AKAP9: variants seen among roughly 807,000 people sequenced by gnomAD.
AKAP9 encodes the protein A-kinase anchor protein 9.
A neutral mutation model predicts 488.5 loss-of-function variants in AKAP9; 311 were observed. That is an observed-to-expected ratio of 0.64 (90% CI 0.58 to 0.70). The LOEUF is 0.70. Among genes scored for constraint, AKAP9 ranks in the 30% least tolerant of loss-of-function variants. AKAP9 has a pLI of 0.00. For missense variants in AKAP9, 4,215 were observed against 4,374.5 expected (o/e 0.96, Z 1.03); for synonymous variants, 1,462 against 1,483.5 (o/e 0.99, Z 0.33).
chr7:92,099,572 C>G, intron 43 of AKAP9, 115 bp from the exon 44 acceptor site: 1 of 1,030,434 alleles, frequency 9.7e-7, no homozygotes, highest in Non-Finnish European at 1.5e-6. Flanking sequence ...TTACTGAATA[C>G]TCAACTCAAG....
chr7:92,052,643 A>G, intron 21 of AKAP9, 83 bp from the exon 22 acceptor site: 1 of 936,024 alleles, frequency 1.1e-6, no homozygotes, highest in Non-Finnish European at 1.6e-6. Context: ...CATGATTTCC[A>G]GTTTAGTTTG....
At position 91,959,391 on chromosome 7, in the gene AKAP9, C is replaced by G. The variant is rs562376805; in HGVS notation, c.49-14320C>G. On this transcript the variant is annotated intron_variant, in intron 1 of 49. Transcript: ENST00000356239. ...CTCACTGCAGCCTCGCTCCTGGGCT[C>G]AAGCAGTCCTTCCACCTCAGCCTTT... 1.5e-4 allele frequency among the ~76,000 whole-genome samples: 23 copies of G among 151,910 alleles called. 1 individual carries two copies. The South Asian group carries it at 1.7e-3, about 11-fold the overall frequency.
At chr7:92,032,855 T>G (rs1323660585) in intron 16 of AKAP9, among the ~76,000 whole-genome samples, 1 of 152,178 alleles carries the variant, frequency 6.6e-6, no homozygotes, top group Non-Finnish European at 1.5e-5. Context: ...AATGGAATGG[T>G]GTATCAGGGT....
intron 24 of AKAP9, 77 bp downstream of exon 24, chr7:92,062,563 T>G (rs913791552): frequency 8.0e-7 from 1 of 1,250,952 alleles, no homozygotes; most frequent in East Asian, 2.4e-5. Context: ...GTGGCTTTTT[T>G]CCTCTTTCAG....
chr7:91,947,685 G>T (rs1584522625), intron 1 of AKAP9, among the ~76,000 whole-genome samples: 1 of 152,190 alleles, frequency 6.6e-6, no homozygotes, highest in African/African-American at 2.4e-5. Context: ...CTTATTGTCT[G>T]TTGGAATAAT....
intron 2 of AKAP9, among the ~76,000 whole-genome samples, chr7:91,975,990 G>A (rs1249409708): frequency 1.3e-5 from 2 of 150,432 alleles, no homozygotes; most frequent in African/African-American, 2.5e-5. Flanking sequence ...GTGCAGTGGG[G>A]TGATCTCAGC....
intron 9 of AKAP9, among the ~76,000 whole-genome samples, chr7:92,013,621 G>GT (rs1801100861): frequency 6.6e-6 from 1 of 152,172 alleles, no homozygotes; most frequent in Admixed American, 6.5e-5. Context: ...TCCATAAACA[G>GT]TAAGTATTAA....
chr7:92,008,299 A>C (rs1800202612), intron 8 of AKAP9, among the ~76,000 whole-genome samples: 1 of 151,974 alleles, frequency 6.6e-6, no homozygotes, highest in African/African-American at 2.4e-5. Flanking sequence ...CCCGGGAGGC[A>C]GAGGTTGCAG....
chr7:92,028,789 G>A (rs527737232), intron 14 of AKAP9, among the ~76,000 whole-genome samples: 1 of 152,248 alleles, frequency 6.6e-6, no homozygotes, highest in South Asian at 2.1e-4. Flanking sequence ...TAAATATTAA[G>A]CTTAACAATT....
rs772589772 is a variant in AKAP9, at chr7:91,941,049, T to C, written c.-51T>C. ...CGTCCAAATCGACCTTTCCTTTCTA[T>C]CCCCAACCACCCCTCAACCCCTGTT... On this transcript the variant is annotated 5_prime_UTR_variant, in exon 1 of 50. Coordinates refer to ENST00000356239, the MANE Select transcript of AKAP9 (RefSeq NM_005751.5). The C allele has an allele frequency of 6.4e-7, 1 of 1,570,420 alleles. No homozygotes were observed. The highest frequency in any genetic ancestry group is 1.1e-5 in the South Asian group (1 of 90,150).
At chr7:92,055,910 G>A (rs1200815841) in intron 22 of AKAP9, among the ~76,000 whole-genome samples, 1 of 151,288 alleles carries the variant, frequency 6.6e-6, no homozygotes, top group African/African-American at 2.4e-5. Context: ...TATTTTCTTT[G>A]TGTAAGCTTC....
chr7:92,050,277 A>G (rs1183451657), intron 21 of AKAP9, among the ~76,000 whole-genome samples: 1 of 150,338 alleles, frequency 6.7e-6, no homozygotes, highest in Non-Finnish European at 1.5e-5. Context: ...TGTATTTTTT[A>G]GTAGAGATGG....
rs757775012 is a variant in AKAP9 at position 92,100,970 on chromosome 7, G to A, written c.11011G>A (p.Ala3671Thr). The change falls in exon 45 of 50, where the codon GCT becomes ACT. Residue 3671 changes from alanine to threonine, a missense_variant. Around this residue, in one of 5 missense-constraint regions of AKAP9, gnomAD observed 74 missense variants for 113.0 expected, o/e 0.65. Coordinates refer to ENST00000356239, the MANE Select transcript of AKAP9 (RefSeq NM_005751.5). ...TLQKSLKRAEAEVYKLKAELR... is the reference protein window; with the variant it reads ...TLQKSLKRAETEVYKLKAELR... ...CCAGAAATCTTTGAAAAGGGCAGAG[G>A]CTGAAGTATACAAACTGAAAGCTGA... The A allele has an allele frequency of 3.1e-6, 5 of 1,614,142 alleles. No individual in the cohort carries two copies. The highest frequency in any genetic ancestry group is 8.5e-7 in the Non-Finnish European group (1 of 1,180,022).
Position 92,109,952 on chromosome 7 carries a change from G to C in AKAP9, c.11687-170G>C, listed in dbSNP as rs370284816. Among the ~76,000 whole-genome samples, 4 of 152,170 alleles carry C rather than the reference G, an allele frequency of 2.6e-5. 1 individual carries two copies. On this transcript the variant is annotated intron_variant, in intron 49 of 49. Coordinates refer to ENST00000356239, the MANE Select transcript of AKAP9 (RefSeq NM_005751.5). Reference sequence around the variant, plus strand: ...GGCAACAGAGTAACACTCCACCTTGGGGGTAGTGGGGAGAGACTCAGTTTA... The same window carrying C: ...GGCAACAGAGTAACACTCCACCTTGCGGGTAGTGGGGAGAGACTCAGTTTA...
chr7:92,083,202 A>G lies in AKAP9; in HGVS notation c.8193A>G (p.Lys2731=). 1 of 1,614,090 alleles carries G rather than the reference A, an allele frequency of 6.2e-7. No homozygotes were observed. Among genetic ancestry groups the G allele is most frequent in the Non-Finnish European group, 8.5e-7 (1 of 1,179,980 alleles). The stretch of plus-strand genomic sequence containing the variant: ...AAACAAATATGACATCTCTTCAGAA[A>G]GACTTAAGCCAAGTTAGGGATCACC... ...VKETNMTSLQ[K]DLSQVRDHLA... is the part of the protein sequence containing the mutation. The change falls in exon 33 of 50, where the codon AAA becomes AAG. Residue 2731 remains lysine, a synonymous_variant. Transcript: ENST00000356239.
At chr7:92,077,956 T>C (rs530469865) in intron 30 of AKAP9, 81 bp downstream of exon 30, 46 of 938,796 alleles carry the variant, frequency 4.9e-5, no homozygotes, top group Non-Finnish European at 6.7e-5. Flanking sequence ...TTGCTCCCCA[T>C]TGAATTTAAA....
chr7:92,078,217 C>CT (rs770877326), intron 30 of AKAP9, among the ~76,000 whole-genome samples: 1 of 152,092 alleles, frequency 6.6e-6, no homozygotes, highest in Non-Finnish European at 1.5e-5. Flanking sequence ...AGGCTGGTCT[C>CT]TATCTCCTGA....
In AKAP9 at chr7:92,062,476, A is replaced by G. The variant is rs1262156619; in HGVS notation, c.5967A>G (p.Pro1989=). The G allele has an allele frequency of 1.9e-6, 3 of 1,612,988 alleles. No homozygotes were observed. The African/African-American group carries it at 4.0e-5, about 22-fold the overall frequency. The change falls in exon 24 of 50, where the codon CCA becomes CCG. Residue 1989 remains proline (P), a synonymous_variant. Transcript: ENST00000356239. ...QKEAMKAEAG[P]VEQQLLQETE... is the part of the protein sequence containing the mutation. Reference sequence around the variant, plus strand: ...AAGCTATGAAAGCAGAGGCAGGCCCAGTTGAACAACGTAAGTATTTTCAGA... The same window carrying G: ...AAGCTATGAAAGCAGAGGCAGGCCCGGTTGAACAACGTAAGTATTTTCAGA...
In AKAP9 at chr7:92,102,736, C is replaced by A. The variant is rs373321787; in HGVS notation, c.11240C>A (p.Pro3747Gln). The change falls in exon 46 of 50, where the codon CCA becomes CAA. Residue 3747 changes from proline (P) to glutamine (Q), a missense_variant. This residue lies in a region of AKAP9 where 253 missense variants were observed against 266.8 expected (regional missense o/e 0.95). Coordinates refer to ENST00000356239, the MANE Select transcript of AKAP9 (RefSeq NM_005751.5). Reference protein sequence around the residue: ...LALLARMGGQPAFTDLEVITN... With the variant: ...LALLARMGGQQAFTDLEVITN... ...CTGCTTGCCCGGATGGGGGGGCAGC[C>A]AGCTTTCACGGATCTAGAGGTGATC... The A allele has an allele frequency of 6.2e-7, 1 of 1,614,164 alleles. No homozygotes were observed.
Sources: gnomAD v4.1 joint callset for allele counts (sites outside exome capture counted in the v4.1 genomes callset) on GRCh38, gnomAD v4.1.1 for gene constraint, gnomAD v4.1.1 regional missense constraint, MANE v1.5 for transcripts, NCBI Gene and HGNC (gene_info 2026-07-23, HGNC 2026-07-21) for gene names.